The following TRPM7 variants were observed in gnomAD, a reference collection of about 807,000 sequenced individuals.
The protein encoded by TRPM7 is LTRPC ion channel family member 7.
TRPM7 carries 134 observed loss-of-function variants against 229.7 expected under a neutral mutation model. The observed-to-expected ratio is 0.58, with a 90% CI of 0.51 to 0.67. TRPM7 has a LOEUF of 0.67. Among genes scored for constraint, TRPM7 ranks in the 30% least tolerant of loss-of-function variants. The pLI is 0.00. For missense variants in TRPM7, 1,901 were observed against 2,210.0 expected (o/e 0.86, Z 2.80); for synonymous variants, 699 against 715.2 (o/e 0.98, Z 0.36).
intron 3 of TRPM7, among the ~76,000 whole-genome samples, chr15:50,654,087 A>G (rs919421661): frequency 6.6e-6 from 1 of 152,224 alleles, no homozygotes; most frequent in African/African-American, 2.4e-5. Flanking sequence ...AATTAATTTA[A>G]TCACCTGTCA....
At chr15:50,661,778 G>C (rs2061730434) in intron 2 of TRPM7, among the ~76,000 whole-genome samples, 1 of 152,150 alleles carries the variant, frequency 6.6e-6, no homozygotes, top group African/African-American at 2.4e-5. Flanking sequence ...AGACGGAAAA[G>C]GAAGGAAGAT....
chr15:50,582,880 C>T (rs189237192), intron 29 of TRPM7: 2 of 331,662 alleles, frequency 6.0e-6, no homozygotes, highest in African/African-American at 4.3e-5. Flanking sequence ...GAGATTCCTG[C>T]CTTTATTCTG....
chr15:50,686,459 C>G, intron 1 of TRPM7, 72 bp downstream of exon 1: 1 of 1,613,254 alleles, frequency 6.2e-7, no homozygotes, highest in Non-Finnish European at 8.5e-7. Context: ...CACACACTTG[C>G]CTGCCAAGTC....
chr15:50,646,589 T>A (rs2061271193), intron 4 of TRPM7, among the ~76,000 whole-genome samples: 1 of 152,148 alleles, frequency 6.6e-6, no homozygotes, highest in Admixed American at 6.6e-5. Flanking sequence ...AAGGTTAAAA[T>A]GTTCAAATCT....
chr15:50,637,711 A>G (rs2060949250), intron 6 of TRPM7, 118 bp from the exon 7 acceptor site: 1 of 864,068 alleles, frequency 1.2e-6, no homozygotes, highest in Admixed American at 3.2e-5. Flanking sequence ...TACATACAGA[A>G]ATAAATACCA....
intron 6 of TRPM7, 128 bp downstream of exon 6, chr15:50,639,296 G>T: frequency 1.3e-6 from 1 of 756,752 alleles, no homozygotes; most frequent in Non-Finnish European, 1.8e-6. Context: ...TAAACCTCAG[G>T]AAAATACCTT....
Position 50,634,428 on chromosome 15 carries a change from C to T in TRPM7, c.961G>A (p.Ala321Thr). The change falls in exon 8 of 39, where the codon GCT becomes ACT. Residue 321 changes from alanine (A) to threonine (T), a missense_variant. By Grantham distance (58) the Ala-to-Thr change is moderately conservative. This residue lies in a region of TRPM7 where 794 missense variants were observed against 881.9 expected (regional missense o/e 0.90). Transcript: ENST00000646667. ...TGAATATACGCTAGCAGATCTGCAG[C>T]TCTGCCTGTTCCTTCACACACAACT... ...PVVVCEGTGR[A>T]ADLLAYIHKQ... 3.1e-6 allele frequency: 5 copies of T among 1,588,504 alleles called. No individual in the cohort carries two copies. The highest frequency in any genetic ancestry group is 2.3e-5 in the South Asian group (2 of 87,206).
intron 19 of TRPM7, among the ~76,000 whole-genome samples, chr15:50,608,797 C>T (rs757313213): frequency 2.0e-5 from 3 of 152,144 alleles, no homozygotes; most frequent in Non-Finnish European, 2.9e-5. Flanking sequence ...TTTCCTATGA[C>T]GGGGAGTTAA....
chr15:50,566,347 G>A (rs2053596919), intron 38 of TRPM7, among the ~76,000 whole-genome samples: 1 of 152,068 alleles, frequency 6.6e-6, no homozygotes, highest in African/African-American at 2.4e-5. Flanking sequence ...AAATTTGAGG[G>A]ATGGAGCTAA....
intron 28 of TRPM7, among the ~76,000 whole-genome samples, chr15:50,585,123 G>A (rs540517714): frequency 1.8e-4 from 27 of 148,892 alleles, no homozygotes; most frequent in African/African-American, 6.0e-4. Context: ...CTGCAGTGGC[G>A]CAATCTCGGC....
At chr15:50,580,752 C>T in intron 30 of TRPM7, 122 bp downstream of exon 30, 2 of 829,148 alleles carry the variant, frequency 2.4e-6, no homozygotes, top group South Asian at 2.3e-5. Context: ...AGAGGAGATG[C>T]TAGAATAAAT....
chr15:50,626,321 T>C (rs961470921), intron 11 of TRPM7, among the ~76,000 whole-genome samples: 2 of 152,120 alleles, frequency 1.3e-5, no homozygotes. Flanking sequence ...AAAGGGGATA[T>C]AACAAAATAT....
At chr15:50,620,718 G>A (rs2060370474) in intron 12 of TRPM7, among the ~76,000 whole-genome samples, 1 of 152,072 alleles carries the variant, frequency 6.6e-6, no homozygotes, top group Non-Finnish European at 1.5e-5. Flanking sequence ...ATCACCTGAG[G>A]TCAGGAGTTC....
At chr15:50,633,737 G>A (rs978119939) in intron 8 of TRPM7, among the ~76,000 whole-genome samples, 6 of 152,098 alleles carry the variant, frequency 3.9e-5, no homozygotes, top group African/African-American at 1.2e-4. Flanking sequence ...AAAGAACCCC[G>A]TAATGAGTAG....
intron 21 of TRPM7, among the ~76,000 whole-genome samples, chr15:50,602,510 T>C (rs1596157597): frequency 1.3e-5 from 2 of 152,306 alleles, no homozygotes; most frequent in South Asian, 4.1e-4. Flanking sequence ...TCTAAACTCC[T>C]TTGAAATGCC....
chr15:50,680,350 G>A (rs2062214156), intron 1 of TRPM7, among the ~76,000 whole-genome samples: 1 of 152,108 alleles, frequency 6.6e-6, no homozygotes, highest in Non-Finnish European at 1.5e-5. Context: ...AGGCCAGCCT[G>A]AGCAACATGC....
intron 3 of TRPM7, among the ~76,000 whole-genome samples, chr15:50,654,768 C>T (rs987262119): frequency 4.1e-5 from 6 of 147,972 alleles, no homozygotes; most frequent in South Asian, 2.1e-4. Flanking sequence ...GGATTACAGG[C>T]GGGCAGATCA....
rs535588733 is a variant in TRPM7 at position 50,557,213 on chromosome 15, G to C, written c.*4465C>G. The C allele has an allele frequency of 8.5e-5, 13 of 152,308 alleles. No homozygotes were observed. The highest frequency in any genetic ancestry group is 2.9e-4 in the African/African-American group (12 of 41,564). 9.4% of individuals were successfully genotyped at this position (152,308 alleles called of 1,614,324 possible). The stretch of plus-strand genomic sequence containing the variant: ...ATTCTTGCTTTGATTGTCTACGTAA[G>C]CATGTAAGACTACAACATTACGACC... On this transcript the variant is annotated 3_prime_UTR_variant, in exon 39 of 39. Transcript: ENST00000646667.
chr15:50,570,290 G>C (rs1455364099), intron 36 of TRPM7, 135 bp from the exon 37 acceptor site: 1 of 645,564 alleles, frequency 1.5e-6, no homozygotes, highest in Non-Finnish European at 2.5e-6. Context: ...CTATTCAAAG[G>C]AGTGTAGTTC....
Sources: gnomAD v4.1 joint callset for allele counts (sites outside exome capture counted in the v4.1 genomes callset) on GRCh38, gnomAD v4.1.1 for gene constraint, gnomAD v4.1.1 regional missense constraint, MANE v1.5 for transcripts, NCBI Gene and HGNC (gene_info 2026-07-23, HGNC 2026-07-21) for gene names.